Variants in STK17B observed in about 807,000 individuals in gnomAD.
STK17B encodes the protein serine/threonine kinase 17b, also known as serine/threonine-protein kinase 17B.
In STK17B, 21 loss-of-function variants were observed where a neutral mutation model predicts 42.0. The ratio of observed to expected loss-of-function variants is 0.50; its 90% confidence interval spans 0.35 to 0.72. The LOEUF is 0.72. STK17B is among the 30% of genes least tolerant of loss of function. STK17B has a pLI of 0.00. For synonymous variants in STK17B, 143 were observed against 148.4 expected, an observed-to-expected ratio of 0.96 and a Z score of 0.26; for missense variants, 349 against 446.0, an observed-to-expected ratio of 0.78 and a Z score of 1.96.
chr2:196,172,530 A>C (rs1292960754), upstream of STK17B, among the ~76,000 whole-genome samples: 1 of 152,168 alleles, frequency 6.6e-6, no homozygotes, highest in Non-Finnish European at 1.5e-5. Context: ...CAAAAGACTT[A>C]ATGTTCAGTT....
intron 3 of STK17B, chr2:196,154,805 A>ATAG (rs1215497784): frequency 1.3e-5 from 2 of 152,254 alleles, no homozygotes; most frequent in African/African-American, 4.8e-5. Context: ...AGCGGAAGGC[A>ATAG]TAGTAATTAA....
At chr2:196,158,688 A>G (rs2105704923) in intron 2 of STK17B, among the ~76,000 whole-genome samples, 1 of 152,230 alleles carries the variant, frequency 6.6e-6, no homozygotes, top group African/African-American at 2.4e-5. Flanking sequence ...TTTCTGTTCT[A>G]ATCACTATAA....
At chr2:196,171,679 GA>G (rs1316435978), upstream of STK17B, 3 of 151,236 alleles carry the variant, frequency 2.0e-5, no homozygotes, top group African/African-American at 7.3e-5. Flanking sequence ...TCTGTCACGT[GA>G]CGGGAGGGGC....
upstream of STK17B, among the ~76,000 whole-genome samples, chr2:196,174,586 G>A (rs72921120): frequency 2.6e-4 from 39 of 152,318 alleles, no homozygotes; most frequent in Non-Finnish European, 4.7e-4. Flanking sequence ...GCCAGACGCA[G>A]GCAAGGCCAA....
intron 2 of STK17B, among the ~76,000 whole-genome samples, chr2:196,161,735 C>T (rs1219786886): frequency 6.6e-6 from 1 of 151,746 alleles, no homozygotes; most frequent in Non-Finnish European, 1.5e-5. Context: ...CAAGGGTGGT[C>T]TCGAACTCCT....
Position 196,137,414 on chromosome 2 carries a change from A to C in STK17B, c.*33T>G. On this transcript the variant is annotated 3_prime_UTR_variant, in exon 8 of 8. Coordinates refer to ENST00000263955, the MANE Select transcript of STK17B (RefSeq NM_004226.4). ...CTCACTGGAGTGGATATAAAATTTC[A>C]AATTCAGTCCAAATGAGTCAAAGAA... 6.3e-7 allele frequency: 1 copy of C among 1,592,492 alleles called. No homozygotes were observed.
rs1409007733 is a variant in STK17B at position 196,146,547 on chromosome 2, T to C, written c.336-492A>G. ...AAATAAGTGATGAGACTATTTCAAA[T>C]TCTGGGTACTAATACTTGAATATTA... On this transcript the variant is annotated intron_variant, in intron 3 of 7. Transcript: ENST00000263955. Among the ~76,000 whole-genome samples the C allele has an allele frequency of 3.3e-5, 5 of 152,056 alleles. No homozygotes were observed. The East Asian group carries it at 9.6e-4, about 29-fold the overall frequency.
chr2:196,162,297 C>CA (rs1279748013), intron 2 of STK17B, among the ~76,000 whole-genome samples: 1 of 151,992 alleles, frequency 6.6e-6, no homozygotes, highest in Non-Finnish European at 1.5e-5. Flanking sequence ...TTTGTAAAGG[C>CA]TTTTTACTTA....
At chr2:196,141,896 G>A (rs1699498826) in intron 5 of STK17B, among the ~76,000 whole-genome samples, 1 of 145,256 alleles carries the variant, frequency 6.9e-6, no homozygotes, top group Non-Finnish European at 1.5e-5. Flanking sequence ...TTATAAAAAA[G>A]TAAAACTCTG....
chr2:196,139,397 ATCTTT>A (rs1201243734), intron 7 of STK17B, among the ~76,000 whole-genome samples: 1 of 152,200 alleles, frequency 6.6e-6, no homozygotes, highest in Non-Finnish European at 1.5e-5. Context: ...AGTAACTCAA[ATCTTT>A]TCTTTACTTC....
chr2:196,171,221 T>G (rs937645443), intron 1 of STK17B, 112 bp downstream of exon 1: 1 of 152,260 alleles, frequency 6.6e-6, no homozygotes, highest in African/African-American at 2.4e-5. Flanking sequence ...AGCCGGACCG[T>G]ACCGCCTAAA....
At chr2:196,162,686 C>G (rs1385778846) in intron 2 of STK17B, among the ~76,000 whole-genome samples, 1 of 151,834 alleles carries the variant, frequency 6.6e-6, no homozygotes, top group African/African-American at 2.4e-5. Flanking sequence ...TTGCTTGAAC[C>G]CAGGAGTTGG....
At chr2:196,165,167 A>C (rs1699861128) in intron 1 of STK17B, among the ~76,000 whole-genome samples, 1 of 152,194 alleles carries the variant, frequency 6.6e-6, no homozygotes. Flanking sequence ...AGTTAAAATG[A>C]GGTCATTAAA....
In STK17B at chr2:196,145,898, C is replaced by A. The variant is rs1187773838; in HGVS notation, c.480+13G>T. 6.4e-7 allele frequency: 1 copy of A among 1,550,886 alleles called. No individual in the cohort carries two copies. Among genetic ancestry groups the A allele is most frequent in the East Asian group, 2.3e-5 (1 of 43,330 alleles). On this transcript the variant is annotated intron_variant, in intron 4 of 7. Transcript: ENST00000263955. ...ACACAGATGTTGCATTACTTTAAAT[C>A]ACGTTACGTTACCTTTAAATCAAGG... is the stretch of plus-strand genomic sequence containing the variant.
At chr2:196,142,543 GAAAA>G (rs1265635895) in intron 5 of STK17B, among the ~76,000 whole-genome samples, 1 of 152,118 alleles carries the variant, frequency 6.6e-6, no homozygotes, top group Non-Finnish European at 1.5e-5. Context: ...ATTTATGAGT[GAAAA>G]ATAAGTTTCT....
At chr2:196,153,216 A>AC (rs1699690344) in intron 3 of STK17B, 1 of 147,232 alleles carries the variant, frequency 6.8e-6, no homozygotes, top group Admixed American at 7.0e-5. Context: ...CTAACTAGAT[A>AC]CCCTTAATGG....
At chr2:196,140,241 A>C (rs1699474122) in intron 6 of STK17B, among the ~76,000 whole-genome samples, 1 of 152,254 alleles carries the variant, frequency 6.6e-6, no homozygotes, top group Non-Finnish European at 1.5e-5. Flanking sequence ...AAATCTGTAA[A>C]TGTGTTAATG....
intron 3 of STK17B, among the ~76,000 whole-genome samples, chr2:196,149,365 C>T (rs548623278): frequency 2.0e-5 from 3 of 152,098 alleles, no homozygotes; most frequent in South Asian, 2.1e-4. Flanking sequence ...TGGGTTTCAC[C>T]GTGTTAGCCA....
At chr2:196,172,712 TTAA>T (rs1699963070), upstream of STK17B, among the ~76,000 whole-genome samples, 2 of 152,330 alleles carry the variant, frequency 1.3e-5, no homozygotes, top group Admixed American at 1.3e-4. Context: ...TCCTCCCAGG[TTAA>T]TAATGTCTTG....
Sources: gnomAD v4.1 joint callset for allele counts (sites outside exome capture counted in the v4.1 genomes callset) on GRCh38, gnomAD v4.1.1 for gene constraint, MANE v1.5 for transcripts, NCBI Gene and HGNC (gene_info 2026-07-23, HGNC 2026-07-21) for gene names.